Variants in CIMAP1D observed in about 807,000 individuals in gnomAD.
The protein encoded by CIMAP1D is protein CIMAP1D.
At chr19:487,833 A>G in the CIMAP1D span, among the ~76,000 whole-genome samples, 5 of 152,228 alleles carry the variant, frequency 3.3e-5, no homozygotes, top group Non-Finnish European at 7.3e-5. Flanking sequence ...AAAGGCAGAA[A>G]TGAAATCCAC....
At chr19:473,340 C>G in the CIMAP1D span, among the ~76,000 whole-genome samples, 2 of 42,236 alleles carry the variant, frequency 4.7e-5, no homozygotes, top group Non-Finnish European at 9.1e-5. Flanking sequence ...GAGACTGAGG[C>G]CCAGGCAGAG....
At chr19:465,358 G>GAT in the CIMAP1D span, among the ~76,000 whole-genome samples, 1 of 150,808 alleles carries the variant, frequency 6.6e-6, no homozygotes, top group Non-Finnish European at 1.5e-5. Context: ...TGAATGGGTA[G>GAT]GTGGATGGGT....
chr19:478,970 A>T, the CIMAP1D span, among the ~76,000 whole-genome samples: 1 of 152,242 alleles, frequency 6.6e-6, no homozygotes, highest in East Asian at 1.9e-4. Flanking sequence ...CCTTGGAGAC[A>T]GGCAGGCAGA....
At chr19:470,454 A>G in the CIMAP1D span, among the ~76,000 whole-genome samples, 1 of 150,634 alleles carries the variant, frequency 6.6e-6, no homozygotes, top group African/African-American at 2.4e-5. Context: ...CTCGTGGTCC[A>G]CCCGCCTCGG....
At chr19:483,154 G>A in the CIMAP1D span, among the ~76,000 whole-genome samples, 2 of 151,982 alleles carry the variant, frequency 1.3e-5, no homozygotes, top group African/African-American at 4.8e-5. Flanking sequence ...TGCTGACTTG[G>A]ATCCAAACCC....
the CIMAP1D span, among the ~76,000 whole-genome samples, chr19:484,128 CTTTTCT>C: frequency 6.9e-6 from 1 of 145,486 alleles, no homozygotes; most frequent in Non-Finnish European, 1.5e-5. Context: ...TTTTTCTTTT[CTTTTCT>C]TTTTCTTTTT....
chr19:483,025 G>A, the CIMAP1D span, among the ~76,000 whole-genome samples: 9 of 152,252 alleles, frequency 5.9e-5, no homozygotes, highest in East Asian at 1.9e-4. Context: ...TCTGAAAAAC[G>A]GGCATATGTC....
At chr19:485,077 G>T in the CIMAP1D span, among the ~76,000 whole-genome samples, 2 of 152,074 alleles carry the variant, frequency 1.3e-5, no homozygotes, top group South Asian at 2.1e-4. Flanking sequence ...ACGCTGTGGG[G>T]TGAAGGGGAG....
At chr19:477,664 T>G in the CIMAP1D span, among the ~76,000 whole-genome samples, 1 of 152,100 alleles carries the variant, frequency 6.6e-6, no homozygotes, top group Non-Finnish European at 1.5e-5. Context: ...TTTTTATTTG[T>G]GTATTTATTT....
At chr19:485,133 AGCG>A in the CIMAP1D span, among the ~76,000 whole-genome samples, 1 of 151,098 alleles carries the variant, frequency 6.6e-6, no homozygotes, top group Non-Finnish European at 1.5e-5. Context: ...ACCTCAACCC[AGCG>A]GAGGACCCTG....
the CIMAP1D span, among the ~76,000 whole-genome samples, chr19:485,388 G>C: frequency 3.9e-5 from 6 of 152,362 alleles, no homozygotes; most frequent in Non-Finnish European, 8.8e-5. Flanking sequence ...TGCGCAGTGA[G>C]TGCCTGCTGA....
At chr19:464,040 A>G in the CIMAP1D span, 2 of 1,595,730 alleles carry the variant, frequency 1.3e-6, no homozygotes, top group Non-Finnish European at 1.7e-6. Flanking sequence ...GGGCCGCCCC[A>G]GCATGGTGAA....
chr19:474,849 C>T, the CIMAP1D span: 1 of 1,018,614 alleles, frequency 9.8e-7, no homozygotes, highest in Non-Finnish European at 1.3e-6. Flanking sequence ...TCCCCACCTT[C>T]ACGGCCTCAC....
chr19:471,506 A>G, the CIMAP1D span, among the ~76,000 whole-genome samples: 16,585 of 146,174 alleles, frequency 0.11, 1,706 homozygotes, highest in African/African-American at 0.28. Context: ...GCAGTGGTGC[A>G]ATCATAGCTC....
the CIMAP1D span, among the ~76,000 whole-genome samples, chr19:471,646 G>GA: frequency 7.2e-5 from 11 of 151,838 alleles, no homozygotes; most frequent in Non-Finnish European, 1.5e-4. Context: ...CTCACTTAAT[G>GA]AATCTCAAAA....
the CIMAP1D span, chr19:490,227 A>G: frequency 3.3e-6 from 1 of 304,168 alleles, no homozygotes; most frequent in Non-Finnish European, 6.0e-6. Flanking sequence ...GTGGTGGCGC[A>G]TGCCTGTGGT....
At chr19:484,303 G>A in the CIMAP1D span, among the ~76,000 whole-genome samples, 1 of 151,938 alleles carries the variant, frequency 6.6e-6, no homozygotes, top group African/African-American at 2.4e-5. Flanking sequence ...ACCACGCCCG[G>A]CTAATTTTTG....
At chr19:474,513 C>G in the CIMAP1D span, 1 of 1,173,978 alleles carries the variant, frequency 8.5e-7, no homozygotes, top group Non-Finnish European at 1.1e-6. Context: ...CAAGGACTTG[C>G]CTGAAACTCC....
At chr19:472,717 G>A in the CIMAP1D span, 3 of 520,606 alleles carry the variant, frequency 5.8e-6, no homozygotes, top group East Asian at 9.9e-5. Context: ...GGGGACAGCA[G>A]CCCCCCTCAC....
Sources: gnomAD v4.1 joint callset for allele counts (sites outside exome capture counted in the v4.1 genomes callset) on GRCh38, gnomAD v4.1.1 for gene constraint, MANE v1.5 for transcripts, NCBI Gene and HGNC (gene_info 2026-07-23, HGNC 2026-07-21) for gene names.